RBFOX1: variants seen among roughly 807,000 people sequenced by gnomAD.
The protein encoded by RBFOX1 is RNA binding fox-1 homolog 1, also known as RNA binding protein fox-1 homolog 1.
In RBFOX1, 8 loss-of-function variants were observed where a neutral mutation model predicts 57.7. The observed-to-expected ratio is 0.14, with a 90% confidence interval of 0.08 to 0.25. The LOEUF (loss-of-function observed/expected upper bound fraction) is 0.25, where lower values mean the gene tolerates loss of function less well. Among genes scored for constraint, RBFOX1 ranks in the 10% least tolerant of loss-of-function variants. RBFOX1 has a pLI of 1.00. For synonymous variants in RBFOX1, 326 were observed against 222.4 expected (o/e 1.47, Z -4.15); for missense variants, 611 against 548.5 (o/e 1.11, Z -1.14).
At chr16:5,826,709 A>C (rs906420137) in intron 3 of RBFOX1, among the ~76,000 whole-genome samples, 1 of 152,254 alleles carries the variant, frequency 6.6e-6, no homozygotes, top group Non-Finnish European at 1.5e-5. Flanking sequence ...GTTATTTAAC[A>C]TATTAATTAA....
chr16:7,347,752 A>T (rs147102641), intron 4 of RBFOX1, among the ~76,000 whole-genome samples: 1 of 152,168 alleles, frequency 6.6e-6, no homozygotes, highest in Non-Finnish European at 1.5e-5. Context: ...CTCAATCTTT[A>T]TATCAGTGAA....
In RBFOX1 at chr16:6,157,271, A is replaced by G. The variant is rs757193176; in HGVS notation, c.-127+137279A>G. ...ATACAACTTTCAGTGTACACAGCAA[A>G]CAGGTGGCCAAGGTAAGCCCAGAAA... On this transcript the variant is annotated intron_variant, in intron 1 of 15. Coordinates refer to ENST00000550418, the MANE Select transcript of RBFOX1 (RefSeq NM_018723.4). 8.5e-5 allele frequency among the ~76,000 whole-genome samples: 13 copies of G among 152,332 alleles called. No individual in the cohort carries two copies. In the South Asian group the frequency reaches 1.0e-3, roughly 12 times the overall value.
intron 3 of RBFOX1, among the ~76,000 whole-genome samples, chr16:5,758,871 G>A (rs1340270218): frequency 1.3e-5 from 2 of 152,158 alleles, no homozygotes; most frequent in African/African-American, 2.4e-5. Flanking sequence ...TGGCAAAAGC[G>A]TGGCTGACCC....
chr16:7,007,466 A>T (rs2093367206), intron 3 of RBFOX1, among the ~76,000 whole-genome samples: 1 of 152,158 alleles, frequency 6.6e-6, no homozygotes, highest in Non-Finnish European at 1.5e-5. Context: ...TTTTGATAAC[A>T]TCTAGAAAAT....
chr16:7,368,581 A>G (rs2097507291), intron 4 of RBFOX1, among the ~76,000 whole-genome samples: 1 of 152,044 alleles, frequency 6.6e-6, no homozygotes, highest in Non-Finnish European at 1.5e-5. Flanking sequence ...GATCAAGACC[A>G]TCCTGGCTAA....
At chr16:7,305,624 A>G (rs2096163009) in intron 4 of RBFOX1, among the ~76,000 whole-genome samples, 1 of 152,164 alleles carries the variant, frequency 6.6e-6, no homozygotes, top group African/African-American at 2.4e-5. Context: ...AAGACCCTCA[A>G]TTTCAACCTG....
At chr16:5,516,229 A>C (rs923516820) in intron 2 of RBFOX1, among the ~76,000 whole-genome samples, 3 of 152,202 alleles carry the variant, frequency 2.0e-5, no homozygotes, top group Non-Finnish European at 4.4e-5. Context: ...CTTATTTTCT[A>C]TCACTTCCTG....
At chr16:5,362,587 C>T (rs1159836131) in intron 1 of RBFOX1, among the ~76,000 whole-genome samples, 1 of 152,168 alleles carries the variant, frequency 6.6e-6, no homozygotes, top group Non-Finnish European at 1.5e-5. Context: ...GTCTTGAACT[C>T]CCGACCTCAG....
intron 1 of RBFOX1, among the ~76,000 whole-genome samples, chr16:5,355,916 C>T (rs943671654): frequency 8.5e-5 from 13 of 152,222 alleles, no homozygotes; most frequent in African/African-American, 3.1e-4. Flanking sequence ...CATGGCTAAA[C>T]CCCGTATCTA....
intron 4 of RBFOX1, chr16:7,510,321 G>T (rs531457430): frequency 2.0e-6 from 2 of 979,332 alleles, no homozygotes; most frequent in Non-Finnish European, 1.2e-6. Context: ...AGGTATTTTT[G>T]TTTTTTTTTC....
In RBFOX1 at chr16:5,550,691, T is replaced by C. The variant is rs554925114; in HGVS notation, c.259-48211T>C. ...AGCAAATAAAGCAGACAAAGCTCCC[T>C]GTCCCTGTGGCATTTATATTCTGGA... On this transcript the variant is annotated intron_variant, in intron 2 of 2. Transcript: ENST00000585867. 9.8e-5 allele frequency among the ~76,000 whole-genome samples: 15 copies of C among 152,338 alleles called. No homozygotes were observed. The East Asian group carries it at 2.1e-3, about 22-fold the overall frequency.
intron 3 of RBFOX1, among the ~76,000 whole-genome samples, chr16:6,814,488 A>T (rs974431254): frequency 3.9e-5 from 6 of 152,192 alleles, no homozygotes; most frequent in African/African-American, 1.4e-4. Flanking sequence ...CATGGGGCTT[A>T]GAGTCTAGTG....
chr16:7,469,313 C>G (rs192904930), intron 4 of RBFOX1, among the ~76,000 whole-genome samples: 2 of 151,962 alleles, frequency 1.3e-5, no homozygotes, highest in Non-Finnish European at 2.9e-5. Context: ...CTGCCCGCCT[C>G]GGCCTCCCAA....
chr16:7,433,835 C>T (rs979948275), intron 4 of RBFOX1, among the ~76,000 whole-genome samples: 4 of 152,070 alleles, frequency 2.6e-5, no homozygotes, highest in African/African-American at 7.2e-5. Flanking sequence ...TTATTTAACA[C>T]CTGTGTGTGC....
chr16:6,672,885 G>C (rs1035179821), intron 3 of RBFOX1, among the ~76,000 whole-genome samples: 3 of 152,230 alleles, frequency 2.0e-5, no homozygotes, highest in Middle Eastern at 3.4e-3. Flanking sequence ...CCTTTCCCAA[G>C]AGACCCATTG....
chr16:5,740,270 G>A (rs1309028434), intron 3 of RBFOX1, among the ~76,000 whole-genome samples: 1 of 152,110 alleles, frequency 6.6e-6, no homozygotes, highest in Non-Finnish European at 1.5e-5. Context: ...GAAGTGAGAG[G>A]AGCAAAGCAT....
intron 1 of RBFOX1, among the ~76,000 whole-genome samples, chr16:6,139,854 G>A (rs1182740476): frequency 6.6e-6 from 1 of 152,174 alleles, no homozygotes; most frequent in East Asian, 1.9e-4. Flanking sequence ...CAGGAGGAAG[G>A]AAGCAGAAAA....
intron 14 of RBFOX1, among the ~76,000 whole-genome samples, chr16:7,702,833 T>C (rs1235669181): frequency 6.6e-6 from 1 of 152,202 alleles, no homozygotes; most frequent in African/African-American, 2.4e-5. Context: ...AGGATTGTCT[T>C]CAACACATCA....
At chr16:7,559,611 T>G in intron 5 of RBFOX1, among the ~76,000 whole-genome samples, 1 of 152,236 alleles carries the variant, frequency 6.6e-6, no homozygotes, top group East Asian at 1.9e-4. Context: ...GCTTGCACTC[T>G]GTCCTCTAAA....
Sources: gnomAD v4.1 joint callset for allele counts (sites outside exome capture counted in the v4.1 genomes callset) on GRCh38, gnomAD v4.1.1 for gene constraint, MANE v1.5 for transcripts, NCBI Gene and HGNC (gene_info 2026-07-23, HGNC 2026-07-21) for gene names.